Variants in LPP observed in about 807,000 individuals in gnomAD.
LPP encodes lipoma-preferred partner.
Under a neutral mutation model 60.4 loss-of-function variants are expected in LPP, and 38 were observed. The observed-to-expected ratio is 0.63, with a 90% CI of 0.49 to 0.83. The LOEUF is 0.83. Among genes scored for constraint, LPP ranks in the 40% least tolerant of loss-of-function variants. The pLI, the probability that LPP is intolerant of heterozygous loss-of-function variation, is 0.00. For synonymous variants in LPP, 328 were observed against 290.8 expected (o/e 1.13, Z -1.30); for missense variants, 902 against 783.6 (o/e 1.15, Z -1.80).
chr3:188,612,625 G>A (rs1843964958), intron 7 of LPP, among the ~76,000 whole-genome samples: 1 of 152,142 alleles, frequency 6.6e-6, no homozygotes, highest in African/African-American at 2.4e-5. Context: ...TAATTGCCAA[G>A]TGAAGACTAT....
At chr3:188,306,125 G>A (rs895665805) in intron 2 of LPP, among the ~76,000 whole-genome samples, 4 of 152,038 alleles carry the variant, frequency 2.6e-5, no homozygotes, top group Non-Finnish European at 5.9e-5. Context: ...CTTTCACCTA[G>A]GTTGGAGTGC....
chr3:188,458,873 T>C (rs1378985993), intron 4 of LPP, among the ~76,000 whole-genome samples: 1 of 142,870 alleles, frequency 7.0e-6, no homozygotes, highest in Non-Finnish European at 1.5e-5. Context: ...TCTTTCCTTC[T>C]TTTTTTTTTT....
At chr3:188,747,109 A>G (rs1560149157) in intron 8 of LPP, among the ~76,000 whole-genome samples, 1 of 152,186 alleles carries the variant, frequency 6.6e-6, no homozygotes, top group South Asian at 2.1e-4. Flanking sequence ...GCTCAGGTAC[A>G]TGGCTTCCTA....
chr3:188,378,835 C>G (rs1776045140), intron 3 of LPP, among the ~76,000 whole-genome samples: 1 of 152,222 alleles, frequency 6.6e-6, no homozygotes, highest in African/African-American at 2.4e-5. Context: ...GGAGGTGTTC[C>G]TATTCGGCCA....
chr3:188,745,132 T>C (rs1725730537), intron 8 of LPP, among the ~76,000 whole-genome samples: 1 of 152,170 alleles, frequency 6.6e-6, no homozygotes, highest in South Asian at 2.1e-4. Context: ...CTTTCTTATA[T>C]GACTCTCAAG....
chr3:188,254,570 C>T (rs2149612391), intron 2 of LPP, among the ~76,000 whole-genome samples: 1 of 152,266 alleles, frequency 6.6e-6, no homozygotes, highest in Admixed American at 6.5e-5. Flanking sequence ...TTGGATGCTA[C>T]AGAAATGGAA....
intron 3 of LPP, among the ~76,000 whole-genome samples, chr3:188,399,527 T>C (rs1368905288): frequency 1.3e-5 from 2 of 152,258 alleles, no homozygotes; most frequent in Admixed American, 1.3e-4. Flanking sequence ...GGTGTTAATC[T>C]ACGTCCCTTT....
At chr3:188,674,442 A>G (rs906134113) in intron 7 of LPP, among the ~76,000 whole-genome samples, 2 of 152,200 alleles carry the variant, frequency 1.3e-5, no homozygotes, top group African/African-American at 2.4e-5. Flanking sequence ...CCTTGGGTAT[A>G]GAGTCACGCC....
At chr3:188,598,341 A>G (rs908446485) in intron 6 of LPP, among the ~76,000 whole-genome samples, 5 of 152,148 alleles carry the variant, frequency 3.3e-5, no homozygotes, top group African/African-American at 1.2e-4. Context: ...AGAGGACAAT[A>G]AGCAGTCAGT....
At position 188,803,786 on chromosome 3, in the gene LPP, CTAGT is replaced by C. The variant is rs780039930; in HGVS notation, c.1410+43510_1410+43513del. Among the ~76,000 whole-genome samples, 20 of 152,210 alleles carry C rather than the reference CTAGT, an allele frequency of 1.3e-4. No individual in the cohort carries two copies. The East Asian group carries it at 2.5e-3, about 19-fold the overall frequency. The stretch of plus-strand genomic sequence containing the variant: ...GCTCTTTCAAAATTGTTTGGCTGTT[CTAGT>C]TAGTTCACCTTTGCATATAAATTTT... On this transcript the variant is annotated intron_variant, in intron 9 of 11. Transcript: ENST00000617246.
chr3:188,260,795 G>A (rs906260237), intron 2 of LPP, among the ~76,000 whole-genome samples: 3 of 152,178 alleles, frequency 2.0e-5, no homozygotes, highest in Non-Finnish European at 2.9e-5. Context: ...CACTTTGGGA[G>A]GCTGAGGCGG....
chr3:188,305,768 T>C (rs778328825), intron 2 of LPP, among the ~76,000 whole-genome samples: 2 of 152,216 alleles, frequency 1.3e-5, no homozygotes, highest in Non-Finnish European at 2.9e-5. Context: ...CGAAAGTATT[T>C]GGGATGGATG....
Position 188,889,797 on chromosome 3 carries a change from C to T in LPP, c.*15318C>T, listed in dbSNP as rs745881754. Reference sequence around the variant, plus strand: ...CATCATTGGATGAATCCAGTTGACTCTTTGGCAAAAGGGTGATACTTTTCA... The same window carrying T: ...CATCATTGGATGAATCCAGTTGACTTTTTGGCAAAAGGGTGATACTTTTCA... On this transcript the variant is annotated 3_prime_UTR_variant, in exon 12 of 12. Transcript: ENST00000617246. 6 of 216,014 alleles carry T rather than the reference C, an allele frequency of 2.8e-5. No individual in the cohort carries two copies. Among genetic ancestry groups the T allele is most frequent in the Non-Finnish European group, 4.7e-5 (5 of 107,210 alleles). 13.4% of individuals were successfully genotyped at this position (216,014 alleles called of 1,614,324 possible).
chr3:188,486,005 C>A (rs1035002317), intron 5 of LPP, among the ~76,000 whole-genome samples: 3 of 151,726 alleles, frequency 2.0e-5, no homozygotes, highest in Non-Finnish European at 4.4e-5. Context: ...AATTATTGCT[C>A]ATTAATTTTA....
chr3:188,804,941 A>G (rs893209620), intron 9 of LPP, among the ~76,000 whole-genome samples: 2 of 152,046 alleles, frequency 1.3e-5, no homozygotes, highest in African/African-American at 4.8e-5. Context: ...CTTTAGACAT[A>G]AGTTGGTATG....
At chr3:188,163,324 A>G (rs1718880411) in intron 1 of LPP, among the ~76,000 whole-genome samples, 1 of 152,156 alleles carries the variant, frequency 6.6e-6, no homozygotes, top group Non-Finnish European at 1.5e-5. Flanking sequence ...AGGACAGGGC[A>G]GGGTCACTGA....
chr3:188,875,803 A>C lies in LPP; in HGVS notation c.*1324A>C, dbSNP rs1341432397. ...TAGCCAGTGAAACACTTGCTTGCCAACTGCCAAGCCATACTTATTAAGTTC... is the reference window on the plus strand; with the variant it reads ...TAGCCAGTGAAACACTTGCTTGCCACCTGCCAAGCCATACTTATTAAGTTC... On this transcript the variant is annotated 3_prime_UTR_variant, in exon 12 of 12. Coordinates refer to ENST00000617246, the MANE Select transcript of LPP (RefSeq NM_001375462.1). The C allele has an allele frequency of 1.0e-5, 2 of 196,398 alleles. No homozygotes were observed. Among genetic ancestry groups the C allele is most frequent in the Non-Finnish European group, 2.1e-5 (2 of 94,396 alleles). 12.2% of individuals were successfully genotyped at this position (196,398 alleles called of 1,614,324 possible).
intron 2 of LPP, among the ~76,000 whole-genome samples, chr3:188,286,779 A>G (rs918199247): frequency 6.6e-6 from 1 of 152,218 alleles, no homozygotes; most frequent in African/African-American, 2.4e-5. Context: ...TCAAGCATAT[A>G]TGGAGGATAT....
intron 9 of LPP, among the ~76,000 whole-genome samples, chr3:188,771,576 A>AAAGAAAGG (rs376013827): frequency 0.33 from 42,350 of 128,426 alleles, 8,766 homozygotes; most frequent in East Asian, 0.63. Context: ...AGAAAGAAAG[A>AAAGAAAGG]AAGAAAGGGA....
Sources: gnomAD v4.1 joint callset for allele counts (sites outside exome capture counted in the v4.1 genomes callset) on GRCh38, gnomAD v4.1.1 for gene constraint, MANE v1.5 for transcripts, NCBI Gene and HGNC (gene_info 2026-07-23, HGNC 2026-07-21) for gene names.